The following C4orf51 variants were observed in gnomAD, a reference collection of about 807,000 sequenced individuals.
C4orf51 encodes uncharacterized protein C4orf51.
Under a neutral mutation model 25.2 loss-of-function variants are expected in C4orf51, and 25 were observed. The observed-to-expected ratio is 0.99, with a 90% CI of 0.72 to 1.39. The LOEUF (loss-of-function observed/expected upper bound fraction) is 1.39, where lower values mean the gene tolerates loss of function less well. Among genes scored for constraint, C4orf51 ranks in the 40% most tolerant of loss-of-function variants. C4orf51 has a pLI of 0.00. For missense variants in C4orf51, 252 were observed against 239.6 expected, an observed-to-expected ratio of 1.05 and a Z score of -0.34; for synonymous variants, 100 against 84.5, an observed-to-expected ratio of 1.18 and a Z score of -1.01.
intron 1 of C4orf51, among the ~76,000 whole-genome samples, chr4:145,681,497 G>A (rs556090809): frequency 4.5e-4 from 68 of 152,244 alleles, no homozygotes; most frequent in Non-Finnish European, 7.5e-4. Flanking sequence ...ATTAGCTTTG[G>A]ACATCCCTTT....
downstream of C4orf51, among the ~76,000 whole-genome samples, chr4:145,754,597 G>T (rs145547075): frequency 8.0e-4 from 122 of 152,250 alleles, 5 homozygotes; most frequent in East Asian, 0.021. Flanking sequence ...CCCTCAAGAC[G>T]ACTGCAGGCA....
intron 1 of C4orf51, among the ~76,000 whole-genome samples, chr4:145,691,354 AT>A (rs1434595832): frequency 1.3e-5 from 2 of 152,230 alleles, no homozygotes; most frequent in Admixed American, 1.3e-4. Context: ...GGGAATGTAA[AT>A]TAGTTCAGCT....
chr4:145,755,450 G>T (rs1321500589), downstream of C4orf51, among the ~76,000 whole-genome samples: 1 of 152,200 alleles, frequency 6.6e-6, no homozygotes. Context: ...CTAATACTTA[G>T]CTGTATGAGA....
chr4:145,726,412 CT>C (rs1344302929), intron 2 of C4orf51, among the ~76,000 whole-genome samples: 3 of 151,674 alleles, frequency 2.0e-5, no homozygotes, highest in African/African-American at 4.8e-5. Context: ...AACTATTGGG[CT>C]TTTTTTTGAG....
chr4:145,736,851 AC>A (rs1280039848), downstream of C4orf51, among the ~76,000 whole-genome samples: 3 of 152,162 alleles, frequency 2.0e-5, no homozygotes, highest in East Asian at 5.8e-4. Flanking sequence ...AGGCAATAGC[AC>A]CATGAGCCTC....
intron 2 of C4orf51, among the ~76,000 whole-genome samples, chr4:145,718,622 A>C (rs10003327): frequency 0.11 from 17,176 of 152,274 alleles, 1,191 homozygotes; most frequent in African/African-American, 0.18. Flanking sequence ...ATCTTAATGC[A>C]TAAACAGAAT....
intron 1 of C4orf51, among the ~76,000 whole-genome samples, chr4:145,695,486 G>A (rs1262637711): frequency 6.6e-6 from 1 of 151,878 alleles, no homozygotes; most frequent in African/African-American, 2.4e-5. Context: ...TTAGACCTTT[G>A]TCAGATGCAT....
downstream of C4orf51, among the ~76,000 whole-genome samples, chr4:145,734,151 G>A (rs1013680766): frequency 2.6e-5 from 4 of 152,138 alleles, no homozygotes; most frequent in East Asian, 5.8e-4. Context: ...ACACCTTCTC[G>A]CCTGTCTGTC....
intron 5 of C4orf51, among the ~76,000 whole-genome samples, chr4:145,732,156 G>C (rs1260329485): frequency 1.3e-5 from 2 of 152,168 alleles, no homozygotes; most frequent in African/African-American, 4.8e-5. Flanking sequence ...AGGAATGTGG[G>C]AACTAAAGGA....
intron 2 of C4orf51, among the ~76,000 whole-genome samples, chr4:145,701,196 C>T (rs1365250270): frequency 2.2e-5 from 2 of 91,122 alleles, no homozygotes; most frequent in African/African-American, 1.4e-4. Context: ...CCTCAAACCC[C>T]GCAACAGGAC....
the C4orf51 span, among the ~76,000 whole-genome samples, chr4:145,777,795 C>T: frequency 6.6e-6 from 1 of 151,998 alleles, no homozygotes; most frequent in Admixed American, 6.5e-5. Context: ...AAATGTTTAC[C>T]TCTATAAATT....
At chr4:145,722,845 A>G (rs1306518301) in intron 2 of C4orf51, among the ~76,000 whole-genome samples, 15 of 152,128 alleles carry the variant, frequency 9.9e-5, no homozygotes, top group Non-Finnish European at 1.5e-5. Flanking sequence ...TCCTAGGAGC[A>G]CAAACCCTAT....
chr4:145,781,202 AAAAAAAAAAAAAAAAGAAAAAAAAAG>A, the C4orf51 span, among the ~76,000 whole-genome samples: 7 of 137,548 alleles, frequency 5.1e-5, no homozygotes, highest in Admixed American at 2.2e-4. Context: ...TCTCAAAAAA[AAAAAAAAAAAAAAAAGAAAAAAAAAG>A]AAAAAAAAAA....
intron 5 of C4orf51, 37 bp downstream of exon 5, chr4:145,730,002 T>C (rs1191841064): frequency 1.3e-6 from 2 of 1,579,768 alleles, no homozygotes; most frequent in African/African-American, 1.3e-5. Context: ...ACAGTGGATC[T>C]GTGGGGTAGT....
chr4:145,699,345 G>A (rs1730280597), intron 2 of C4orf51, among the ~76,000 whole-genome samples: 1 of 138,996 alleles, frequency 7.2e-6, no homozygotes, highest in African/African-American at 2.8e-5. Context: ...TCTTTGCTCT[G>A]TGAGAAAGAT....
chr4:145,775,990 A>G (rs1737018664), downstream of C4orf51: 6 of 1,613,456 alleles, frequency 3.7e-6, no homozygotes, highest in East Asian at 2.2e-5. Context: ...AAAAAGCCCA[A>G]ATCGCTTTCA....
At chr4:145,712,729 T>C (rs1731199638) in intron 2 of C4orf51, among the ~76,000 whole-genome samples, 1 of 152,210 alleles carries the variant, frequency 6.6e-6, no homozygotes. Context: ...TTAATGAAGG[T>C]GGCTGTACTA....
At chr4:145,747,130 C>T (rs1214226526) in intron 1 of C4orf51, among the ~76,000 whole-genome samples, 2 of 151,990 alleles carry the variant, frequency 1.3e-5, no homozygotes, top group Non-Finnish European at 2.9e-5. Context: ...AATATAAGGT[C>T]CTATCATCTG....
chr4:145,704,861 G>A (rs1730692427), intron 2 of C4orf51, among the ~76,000 whole-genome samples: 1 of 152,232 alleles, frequency 6.6e-6, no homozygotes, highest in African/African-American at 2.4e-5. Context: ...GAGCAGGAAT[G>A]AGAGAAGGTA....
Sources: allele counts gnomAD v4.1 joint callset (sites outside exome capture counted in the v4.1 genomes callset), GRCh38; gene constraint gnomAD v4.1.1; transcripts MANE v1.5; gene names NCBI Gene and HGNC (gene_info 2026-07-23, HGNC 2026-07-21).